Variants in ZNF219 observed in about 807,000 individuals in gnomAD.
The protein encoded by ZNF219 is zinc finger protein 219.
Under a neutral mutation model 54.4 loss-of-function variants are expected in ZNF219, and 17 were observed. The observed-to-expected ratio is 0.31, with a 90% confidence interval of 0.21 to 0.47. The LOEUF is 0.47. ZNF219 is among the 20% of genes least tolerant of loss of function. The pLI is 1.00. For synonymous variants in ZNF219, 518 were observed against 476.4 expected (o/e 1.09, Z -1.14); for missense variants, 1,014 against 1,062.3 (o/e 0.95, Z 0.63).
At chr14:21,096,651 C>T (rs1180904182) in intron 1 of ZNF219, among the ~76,000 whole-genome samples, 1 of 152,202 alleles carries the variant, frequency 6.6e-6, no homozygotes, top group Non-Finnish European at 1.5e-5. Flanking sequence ...TATTTGGATT[C>T]TATAAGGATG....
Position 21,092,022 on chromosome 14 carries a change from C to G in ZNF219, c.1275G>C (p.Glu425Asp), listed in dbSNP as rs997183074. Residue 425 changes from glutamate to aspartate, a missense_variant, in exon 3 of 5, where the codon GAG (glutamate) becomes GAC (aspartate). Coordinates refer to ENST00000360947, the MANE Select transcript of ZNF219 (RefSeq NM_016423.3). ...CCACCACCTCCTCTTCTTCCTCAGGCTCCTCCGCACGGTGCCGGCGAGCCC... is the reference window on the plus strand; with the variant it reads ...CCACCACCTCCTCTTCTTCCTCAGGGTCCTCCGCACGGTGCCGGCGAGCCC... Reference protein sequence around the residue: ...PARARRHRAEEPEEEEEVVEA... With the variant: ...PARARRHRAEDPEEEEEVVEA... 4.5e-6 allele frequency: 7 copies of G among 1,552,056 alleles called. No homozygotes were observed. In the African/African-American group the frequency reaches 8.2e-5, roughly 18 times the overall value.
chr14:21,102,527 T>C, upstream of ZNF219: 1 of 1,551,566 alleles, frequency 6.4e-7, no homozygotes, highest in Non-Finnish European at 8.7e-7. Context: ...TACTGGTCAA[T>C]GAAGGAGAAG....
upstream of ZNF219, among the ~76,000 whole-genome samples, chr14:21,100,760 G>A (rs1889582640): frequency 6.6e-6 from 1 of 152,142 alleles, no homozygotes. Context: ...GTAATGACAG[G>A]GGACCAATCC....
At chr14:21,097,997 C>T (rs1319468515) in intron 1 of ZNF219, among the ~76,000 whole-genome samples, 1 of 150,992 alleles carries the variant, frequency 6.6e-6, no homozygotes, top group African/African-American at 2.4e-5. Flanking sequence ...CACCCGCCAC[C>T]TCCCCCGCCA....
intron 3 of ZNF219, 119 bp downstream of exon 3, chr14:21,091,746 C>CAA: frequency 6.9e-7 from 1 of 1,448,498 alleles, no homozygotes; most frequent in Non-Finnish European, 9.0e-7. Context: ...CAAAACAAAA[C>CAA]AAAAAAACTC....
chr14:21,104,100 G>C (rs74620539), intron 1 of ZNF219: 4,629 of 152,602 alleles, frequency 0.03, 138 homozygotes, highest in Admixed American at 0.086. Context: ...TAGGGCCTGG[G>C]CGCTGAAGAT....
upstream of ZNF219, chr14:21,101,251 T>G (rs567298554): frequency 1.7e-6 from 2 of 1,172,772 alleles, no homozygotes; most frequent in South Asian, 1.4e-5. Flanking sequence ...AGCTGAAAGA[T>G]ACGTTGTTGC....
At position 21,093,147 on chromosome 14, in the gene ZNF219, A is replaced by C. The variant is rs1889070647; in HGVS notation, c.150T>G (p.Ser50Arg). The C allele has an allele frequency of 6.2e-7, 1 of 1,610,160 alleles. No homozygotes were observed. The highest frequency in any genetic ancestry group is 1.3e-5 in the African/African-American group (1 of 74,876). The change falls in exon 3 of 5, where the codon AGT (serine) becomes AGG (arginine). Residue 50 changes from serine to arginine, a missense_variant. By Grantham distance (110) the Ser-to-Arg change is moderately radical (BLOSUM62 -1). Transcript: ENST00000360947. ...AGGGGAAGCGCCGTTCGCCTGCACG[A>C]CTCTCAGACCAGCTCACCGCTCCCA... Reference protein sequence around the residue: ...LGMGAVSWSESRAGERRFPCP... With the variant: ...LGMGAVSWSERRAGERRFPCP...
upstream of ZNF219, chr14:21,102,785 G>T: frequency 1.3e-6 from 2 of 1,547,850 alleles, no homozygotes. Flanking sequence ...AGGAGGTATG[G>T]GGGCAGGGAA....
At chr14:21,093,536 G>GGAGT in intron 2 of ZNF219, 50 bp downstream of exon 2, 1 of 1,585,444 alleles carries the variant, frequency 6.3e-7, no homozygotes, top group South Asian at 1.1e-5. Flanking sequence ...GGCAGGAGAG[G>GGAGT]GAGTATACAG....
chr14:21,101,764 C>A, upstream of ZNF219: 1 of 924,240 alleles, frequency 1.1e-6, no homozygotes, highest in Non-Finnish European at 1.6e-6. Flanking sequence ...TTCCTCCACC[C>A]TGCATTCAAT....
chr14:21,093,123 G>A lies in ZNF219; in HGVS notation c.174C>T (p.Pro58=). 6.8e-6 allele frequency: 11 copies of A among 1,610,174 alleles called. No homozygotes were observed. The highest frequency in any genetic ancestry group is 9.3e-6 in the Non-Finnish European group (11 of 1,179,208). ...SESRAGERRF[P]CPVCGKRFRF... is the part of the protein sequence containing the mutation. The stretch of plus-strand genomic sequence containing the variant: ...GGAAGCGCTTCCCGCATACAGGGCA[G>A]GGGAAGCGCCGTTCGCCTGCACGAC... Residue 58 remains proline (P), a synonymous_variant, in exon 3 of 5, where the codon CCC becomes CCT. Transcript: ENST00000360947.
intron 1 of ZNF219, among the ~76,000 whole-genome samples, chr14:21,097,105 C>T (rs2139324047): frequency 6.6e-6 from 1 of 152,308 alleles, no homozygotes; most frequent in Admixed American, 6.5e-5. Flanking sequence ...ACAGACACAC[C>T]AGTAGTTCAC....
In ZNF219 at chr14:21,090,989, C is replaced by A; in HGVS notation, c.1716G>T (p.Ser572=). 1 of 1,549,436 alleles carries A rather than the reference C, an allele frequency of 6.5e-7. No homozygotes were observed. The highest frequency in any genetic ancestry group is 1.4e-5 in the African/African-American group (1 of 73,570). ...ACGGCTTGGCTCCAGATTGCGGGGCCGAACCCCGCTGGGAAGGAGGCGGTG... is the reference window on the plus strand; with the variant it reads ...ACGGCTTGGCTCCAGATTGCGGGGCAGAACCCCGCTGGGAAGGAGGCGGTG... ...PEPPPPSQRG[S]APQSGAKPSP... is the part of the protein sequence containing the mutation. The change falls in exon 5 of 5, where the codon TCG becomes TCT. Residue 572 remains serine, a synonymous_variant. Transcript: ENST00000360947. This position sits in a 1 kb window ranked among gnomAD's most constrained non-coding sequence, Gnocchi z 4.4.
Position 21,092,777 on chromosome 14 carries a change from T to C in ZNF219, c.520A>G (p.Thr174Ala). The C allele has an allele frequency of 6.3e-7, 1 of 1,581,296 alleles. No individual in the cohort carries two copies. The highest frequency in any genetic ancestry group is 8.6e-7 in the Non-Finnish European group (1 of 1,163,104). The change falls in exon 3 of 5, where the codon ACC (threonine) becomes GCC (alanine). Residue 174 changes from threonine (T) to alanine (A), a missense_variant. Transcript: ENST00000360947. The part of the protein sequence containing the change: ...RCPYCKGKFR[T>A]SAERERHLHI... ...AGGTGGCGTTCGCGCTCCGCCGAGG[T>C]GCGAAACTTGCCTTTGCAGTAGGGG... is the stretch of plus-strand genomic sequence containing the variant.
chr14:21,091,316 G>A (rs1364190648), intron 4 of ZNF219, 95 bp downstream of exon 4: 8 of 1,524,112 alleles, frequency 5.2e-6, no homozygotes, highest in Non-Finnish European at 7.1e-6. Context: ...CAAACTGAAG[G>A]CTTCGGAACA....
At chr14:21,100,664 G>A (rs1235270455), upstream of ZNF219, among the ~76,000 whole-genome samples, 1 of 152,126 alleles carries the variant, frequency 6.6e-6, no homozygotes, top group Non-Finnish European at 1.5e-5. Flanking sequence ...CTTCAAGAAA[G>A]AAGGAAGGGA....
intron 2 of ZNF219, 62 bp downstream of exon 2, chr14:21,093,524 T>G: frequency 6.4e-7 from 1 of 1,558,570 alleles, no homozygotes; most frequent in East Asian, 2.2e-5. Context: ...GAGAGAGAGG[T>G]AGGCAGGAGA....
chr14:21,098,743 A>AGACTGG (rs1889465699), upstream of ZNF219: 1 of 1,219,402 alleles, frequency 8.2e-7, no homozygotes, highest in Non-Finnish European at 1.1e-6. Context: ...AGAGATTTTG[A>AGACTGG]AAGGTCATCT....
Sources: allele counts gnomAD v4.1 joint callset (sites outside exome capture counted in the v4.1 genomes callset), GRCh38; gene constraint gnomAD v4.1.1; non-coding constraint Gnocchi (gnomAD v3.1); transcripts MANE v1.5; gene names NCBI Gene and HGNC (gene_info 2026-07-23, HGNC 2026-07-21).